COL8A1: variants seen among roughly 807,000 people sequenced by gnomAD.
COL8A1 encodes the protein collagen alpha-1(VIII) chain.
COL8A1 carries 21 observed loss-of-function variants against 42.7 expected under a neutral mutation model. That is an observed-to-expected ratio of 0.49 (90% confidence interval 0.35 to 0.71). The LOEUF (loss-of-function observed/expected upper bound fraction) is 0.71. Among genes scored for constraint, COL8A1 ranks in the 30% least tolerant of loss-of-function variants. The pLI is 0.01. For missense variants in COL8A1, 788 were observed against 962.4 expected (o/e 0.82, Z 2.40); for synonymous variants, 367 against 369.1 (o/e 0.99, Z 0.06).
In COL8A1 at chr3:99,669,142, T is replaced by C. The variant is rs1380795845; in HGVS notation, c.-129+30478T>C. On this transcript the variant is annotated intron_variant, in intron 1 of 3. Coordinates refer to ENST00000652472, the MANE Select transcript of COL8A1 (RefSeq NM_020351.4). ...AAAAAATTATATATATATATATATA[T>C]ATATAGAGGGAGAGAGAGAGAGAGA... is the stretch of plus-strand genomic sequence containing the variant. Among the ~76,000 whole-genome samples the C allele has an allele frequency of 1.1e-3, 109 of 100,786 alleles. 3 individuals carry two copies. Among genetic ancestry groups the C allele is most frequent in the African/African-American group, 3.7e-3 (103 of 28,126 alleles). The allele number at this position is 100,786 out of a possible 152,430, so 66.1% of individuals were successfully genotyped here. A position where few individuals can be genotyped will look rare whatever the true frequency, so the allele number is the denominator to read the frequency against.
At chr3:99,692,570 A>G (rs972427774) in intron 1 of COL8A1, among the ~76,000 whole-genome samples, 2 of 152,206 alleles carry the variant, frequency 1.3e-5, no homozygotes, top group African/African-American at 4.8e-5. Flanking sequence ...TGAATGAACA[A>G]TTGATCACAC....
intron 1 of COL8A1, among the ~76,000 whole-genome samples, chr3:99,733,817 C>T (rs1235222997): frequency 1.3e-5 from 2 of 151,090 alleles, no homozygotes; most frequent in East Asian, 1.9e-4. Context: ...CCTGTTGTTT[C>T]CTGACTTTTT....
chr3:99,755,806 A>G (rs1030470998), intron 2 of COL8A1, among the ~76,000 whole-genome samples: 10 of 152,344 alleles, frequency 6.6e-5, no homozygotes, highest in African/African-American at 2.2e-4. Context: ...TGGTAACTAA[A>G]GAGCAGATGG....
chr3:99,739,182 C>T (rs1940826529), intron 1 of COL8A1, among the ~76,000 whole-genome samples: 1 of 152,222 alleles, frequency 6.6e-6, no homozygotes, highest in Non-Finnish European at 1.5e-5. Flanking sequence ...AATCACCCGT[C>T]TTCTGCATTG....
chr3:99,666,805 C>A (rs940005739), intron 1 of COL8A1, among the ~76,000 whole-genome samples: 7 of 152,144 alleles, frequency 4.6e-5, no homozygotes, highest in African/African-American at 1.7e-4. Flanking sequence ...GTGTAATGAA[C>A]TTTCAAGTTT....
chr3:99,726,107 C>G (rs1445092313), intron 1 of COL8A1, among the ~76,000 whole-genome samples: 2 of 152,160 alleles, frequency 1.3e-5, no homozygotes, highest in African/African-American at 4.8e-5. Context: ...GATTGCCATT[C>G]TAACTGGTGT....
chr3:99,711,471 C>A (rs746222348), intron 1 of COL8A1, among the ~76,000 whole-genome samples: 1 of 152,152 alleles, frequency 6.6e-6, no homozygotes, highest in Non-Finnish European at 1.5e-5. Flanking sequence ...TCCTGGGATT[C>A]TTTTGCACAT....
chr3:99,794,902 G>A lies in COL8A1; in HGVS notation c.1001G>A (p.Gly334Glu). The part of the protein sequence containing the change: ...PGQPGFPGGK[G>E]EQGLPGLPGP... ...CAGCCAGGATTTCCAGGTGGCAAAG[G>A]GGAGCAAGGACTGCCAGGGCTACCA... is the stretch of plus-strand genomic sequence containing the variant. The change falls in exon 4 of 4, where the codon GGG becomes GAG. Residue 334 changes from glycine to glutamate, a missense_variant. Gly to Glu is a moderately conservative substitution (Grantham distance 98, BLOSUM62 -2). Around this residue, in one of 4 missense-constraint regions of COL8A1, gnomAD observed 421 missense variants for 553.1 expected, o/e 0.76. Transcript: ENST00000652472. This position sits in a 1 kb window ranked among gnomAD's most constrained non-coding sequence, Gnocchi z 4.3. The A allele has an allele frequency of 6.2e-7, 1 of 1,602,354 alleles. No homozygotes were observed.
intron 1 of COL8A1, among the ~76,000 whole-genome samples, chr3:99,717,497 A>C (rs1176615178): frequency 6.6e-6 from 1 of 152,058 alleles, no homozygotes; most frequent in Non-Finnish European, 1.5e-5. Context: ...ACATGATAAA[A>C]GATTATATAG....
At chr3:99,677,419 G>C (rs1240560587) in intron 1 of COL8A1, among the ~76,000 whole-genome samples, 8 of 152,024 alleles carry the variant, frequency 5.3e-5, no homozygotes, top group Non-Finnish European at 8.8e-5. Flanking sequence ...CCAGATAACA[G>C]GAATGGCCTT....
intron 2 of COL8A1, among the ~76,000 whole-genome samples, chr3:99,777,853 T>C (rs1270991022): frequency 6.6e-6 from 1 of 152,200 alleles, no homozygotes; most frequent in Non-Finnish European, 1.5e-5. Flanking sequence ...TAATTCATCC[T>C]GAAGAGAACT....
intron 2 of COL8A1, among the ~76,000 whole-genome samples, chr3:99,759,010 G>A (rs1174835710): frequency 6.6e-6 from 1 of 151,812 alleles, no homozygotes; most frequent in East Asian, 1.9e-4. Context: ...CATATGGCTG[G>A]CTTCTTTCAG....
At chr3:99,658,146 C>T (rs1343947267) in intron 1 of COL8A1, among the ~76,000 whole-genome samples, 1 of 151,576 alleles carries the variant, frequency 6.6e-6, no homozygotes, top group Non-Finnish European at 1.5e-5. Flanking sequence ...AAAAAAACAC[C>T]TTTCAAAGAC....
At chr3:99,697,419 T>C (rs1939411504) in intron 1 of COL8A1, among the ~76,000 whole-genome samples, 2 of 152,238 alleles carry the variant, frequency 1.3e-5, no homozygotes. Context: ...TAATAAACTT[T>C]ATAAGTTTAT....
intron 2 of COL8A1, among the ~76,000 whole-genome samples, chr3:99,765,210 A>T (rs183275898): frequency 1.4e-4 from 22 of 152,240 alleles, no homozygotes; most frequent in Admixed American, 1.2e-3. Context: ...CTGATTCACT[A>T]TTCCCCTCTG....
intron 1 of COL8A1, chr3:99,678,814 T>C (rs1938779242): frequency 6.6e-6 from 1 of 152,208 alleles, no homozygotes; most frequent in Non-Finnish European, 1.5e-5. Flanking sequence ...ATGTATTAGA[T>C]AGTATTTTTC....
intron 2 of COL8A1, among the ~76,000 whole-genome samples, chr3:99,756,774 G>C (rs1412633845): frequency 3.9e-5 from 6 of 151,928 alleles, no homozygotes; most frequent in Admixed American, 2.0e-4. Context: ...GCATGATCAA[G>C]AAAACACTCA....
At chr3:99,738,677 G>A (rs1051685786) in intron 1 of COL8A1, among the ~76,000 whole-genome samples, 2 of 152,222 alleles carry the variant, frequency 1.3e-5, no homozygotes, top group Non-Finnish European at 2.9e-5. Flanking sequence ...CTGTCTTTTT[G>A]TTTGTCTGTG....
intron 1 of COL8A1, among the ~76,000 whole-genome samples, chr3:99,653,009 C>G (rs1025698943): frequency 6.6e-6 from 1 of 152,142 alleles, no homozygotes; most frequent in Non-Finnish European, 1.5e-5. Flanking sequence ...CCATCCTGGG[C>G]AAGACAGTAA....
Sources: gnomAD v4.1 joint callset for allele counts (sites outside exome capture counted in the v4.1 genomes callset) on GRCh38, gnomAD v4.1.1 for gene constraint, gnomAD v4.1.1 regional missense constraint, Gnocchi (gnomAD v3.1) non-coding constraint, MANE v1.5 for transcripts, NCBI Gene and HGNC (gene_info 2026-07-23, HGNC 2026-07-21) for gene names.